The following MMP26 variants were observed in gnomAD, a reference collection of about 807,000 sequenced individuals.
The protein encoded by MMP26 is matrix metalloproteinase-26.
A neutral mutation model predicts 31.0 loss-of-function variants in MMP26; 33 were observed. The observed-to-expected ratio is 1.06, with a 90% confidence interval of 0.81 to 1.42. The LOEUF is 1.42. Ranked by LOEUF, MMP26 falls within the 40% of genes most tolerant of loss-of-function variation. The pLI is 0.00. For synonymous variants in MMP26, 122 were observed against 114.9 expected (o/e 1.06, Z -0.40); for missense variants, 347 against 316.1 (o/e 1.10, Z -0.74).
Position 4,812,028 on chromosome 11 carries a change from C to G in MMP26, c.-145+44687C>G, listed in dbSNP as rs534467269. 2.0e-5 allele frequency among the ~76,000 whole-genome samples: 3 copies of G among 152,272 alleles called. No homozygotes were observed. In the South Asian group the frequency reaches 6.2e-4, roughly 32 times the overall value. ...TTTCCACTGGAATGTACCAAGATTT[C>G]TGGGCAGTTTTGAGAGCCCAATAAA... On this transcript the variant is annotated intron_variant, in intron 2 of 7. Coordinates refer to ENST00000380390, the MANE Select transcript of MMP26 (RefSeq NM_021801.5).
At chr11:4,770,545 G>A (rs1416805827) in intron 2 of MMP26, among the ~76,000 whole-genome samples, 1 of 152,104 alleles carries the variant, frequency 6.6e-6, no homozygotes, top group African/African-American at 2.4e-5. Context: ...GGTTTTATGG[G>A]GACTATGAAA....
At chr11:4,882,521 C>G (rs909514304) in intron 2 of MMP26, 1 of 1,613,898 alleles carries the variant, frequency 6.2e-7, no homozygotes, top group Non-Finnish European at 8.5e-7. Flanking sequence ...TCAGCTCTAC[C>G]TGAATGGCAC....
intron 2 of MMP26, chr11:4,803,483 T>C: frequency 6.2e-7 from 1 of 1,613,946 alleles, no homozygotes; most frequent in South Asian, 1.1e-5. Flanking sequence ...CCGATCTGTT[T>C]GGTTCTAACT....
intron 2 of MMP26, among the ~76,000 whole-genome samples, chr11:4,844,214 A>T (rs1849836649): frequency 6.6e-6 from 1 of 152,174 alleles, no homozygotes; most frequent in Middle Eastern, 3.2e-3. Context: ...CCAAGATTGA[A>T]CCACGAAGAA....
rs1589902984 is a variant in MMP26 at position 4,795,844 on chromosome 11, GA to G, written c.-145+28504del. On this transcript the variant is annotated intron_variant, in intron 2 of 7. Transcript: ENST00000380390. ...AGGGAGAGAGAAAGAGAGAGAGAGG[GA>G]GAGAGAGAGAGAGAGAGAGAGAGAG... Among the ~76,000 whole-genome samples the G allele has an allele frequency of 7.4e-5, 5 of 67,426 alleles. No homozygotes were observed. The East Asian group carries it at 2.1e-3, about 28-fold the overall frequency. 44.2% of individuals were successfully genotyped at this position (67,426 alleles called of 152,430 possible). A position where few individuals can be genotyped will look rare whatever the true frequency, so the allele number is the denominator to read the frequency against.
chr11:4,813,015 G>GTA (rs36076505), intron 2 of MMP26, among the ~76,000 whole-genome samples: 16,506 of 147,428 alleles, frequency 0.11, 1,742 homozygotes, highest in African/African-American at 0.28. Context: ...GTGTGTGTAT[G>GTA]TATATATATA....
chr11:4,761,826 T>C (rs1224701016), intron 1 of MMP26, among the ~76,000 whole-genome samples: 1 of 152,204 alleles, frequency 6.6e-6, no homozygotes, highest in Non-Finnish European at 1.5e-5. Context: ...AGTTCCATAG[T>C]ACATATATTT....
chr11:4,931,240 T>C (rs11825303), intron 2 of MMP26, among the ~76,000 whole-genome samples: 1,583 of 152,190 alleles, frequency 0.01, 26 homozygotes, highest in African/African-American at 0.036. Context: ...TGGGGAGCTA[T>C]ATAAAATCCC....
intron 1 of MMP26, among the ~76,000 whole-genome samples, chr11:4,729,276 T>A (rs754961005): frequency 7.2e-5 from 11 of 152,118 alleles, no homozygotes; most frequent in Non-Finnish European, 1.6e-4. Context: ...TGTTTTTACT[T>A]ATGTGATGGA....
chr11:4,848,419 G>A (rs12361955), intron 2 of MMP26: 644,257 of 1,613,718 alleles, frequency 0.4, 133,443 homozygotes, highest in Middle Eastern at 0.45. Context: ...AGTGCCAGGA[G>A]GATCATAGGG....
intron 1 of MMP26, among the ~76,000 whole-genome samples, chr11:4,759,135 A>AAG (rs1262302875): frequency 0.02 from 2,793 of 142,974 alleles, 98 homozygotes; most frequent in African/African-American, 0.072. Flanking sequence ...AAAAAAAAAA[A>AAG]GACAAAAAAT....
At chr11:4,727,211 A>G (rs1848112440) in intron 1 of MMP26, among the ~76,000 whole-genome samples, 1 of 152,152 alleles carries the variant, frequency 6.6e-6, no homozygotes, top group African/African-American at 2.4e-5. Flanking sequence ...CAAAAACTCC[A>G]TTTGCTTTAA....
At chr11:4,945,447 C>A (rs1362659587) in intron 2 of MMP26, 1 of 152,642 alleles carries the variant, frequency 6.6e-6, no homozygotes, top group East Asian at 1.9e-4. Context: ...GAATATGTTC[C>A]TTATTGATTT....
intron 2 of MMP26, among the ~76,000 whole-genome samples, chr11:4,965,824 G>A (rs906340971): frequency 6.6e-5 from 10 of 152,178 alleles, no homozygotes; most frequent in Non-Finnish European, 1.5e-5. Flanking sequence ...TTCTTCTACT[G>A]TGGAAGCATC....
chr11:4,726,418 C>T (rs532446312), intron 1 of MMP26, among the ~76,000 whole-genome samples: 18 of 151,764 alleles, frequency 1.2e-4, no homozygotes, highest in African/African-American at 2.4e-4. Flanking sequence ...GCCGAGATCA[C>T]GCCACCGCAC....
At chr11:4,848,978 A>G in intron 2 of MMP26, 3 of 1,614,174 alleles carry the variant, frequency 1.9e-6, no homozygotes, top group Non-Finnish European at 2.5e-6. Context: ...ATCCAATATC[A>G]GACACACTAA....
At chr11:4,938,427 A>G (rs1417021186) in intron 2 of MMP26, 2 of 151,876 alleles carry the variant, frequency 1.3e-5, no homozygotes, top group African/African-American at 4.8e-5. Flanking sequence ...AATGTCAAAC[A>G]TCTACGTTTC....
chr11:4,930,948 A>G (rs970847195), intron 2 of MMP26, among the ~76,000 whole-genome samples: 4 of 152,026 alleles, frequency 2.6e-5, no homozygotes, highest in African/African-American at 4.8e-5. Flanking sequence ...ATTAAAGAGT[A>G]GTTGAAGTAT....
At chr11:4,870,986 G>T (rs533538748) in intron 2 of MMP26, among the ~76,000 whole-genome samples, 1 of 152,170 alleles carries the variant, frequency 6.6e-6, no homozygotes, top group African/African-American at 2.4e-5. Context: ...GACATTTAGT[G>T]CTCTAGGAAG....
Sources: allele counts gnomAD v4.1 joint callset (sites outside exome capture counted in the v4.1 genomes callset), GRCh38; gene constraint gnomAD v4.1.1; transcripts MANE v1.5; gene names NCBI Gene and HGNC (gene_info 2026-07-23, HGNC 2026-07-21).